The following KIF1A variants were observed in gnomAD, a reference collection of about 807,000 sequenced individuals.
The protein encoded by KIF1A is kinesin-like protein KIF1A.
Under a neutral mutation model 227.3 loss-of-function variants are expected in KIF1A, and 46 were observed. The ratio of observed to expected loss-of-function variants is 0.20; its 90% CI spans 0.16 to 0.26. The LOEUF (loss-of-function observed/expected upper bound fraction) is 0.26, where lower values mean the gene tolerates loss of function less well. Ranked by LOEUF, KIF1A falls within the 10% of genes least tolerant of loss-of-function variation. The pLI is 1.00. For synonymous variants in KIF1A, 1,022 were observed against 1,012.8 expected (o/e 1.01, Z -0.17); for missense variants, 1,683 against 2,485.9 (o/e 0.68, Z 6.87).
chr2:240,741,793 C>A (rs1332309531), intron 34 of KIF1A, among the ~76,000 whole-genome samples: 1 of 152,228 alleles, frequency 6.6e-6, no homozygotes, highest in Non-Finnish European at 1.5e-5. Flanking sequence ...GCCTACTACA[C>A]CTGTCCAAGC....
At chr2:240,798,567 G>A (rs34523140) in intron 1 of KIF1A, among the ~76,000 whole-genome samples, 50,495 of 151,998 alleles carry the variant, frequency 0.33, 8,511 homozygotes, top group East Asian at 0.41. Context: ...CCAGTTTACC[G>A]TCTGTGAAAT....
chr2:240,799,286 C>G (rs2056734325), intron 1 of KIF1A, among the ~76,000 whole-genome samples: 1 of 152,214 alleles, frequency 6.6e-6, no homozygotes, highest in African/African-American at 2.4e-5. Flanking sequence ...AGCCTGGGAC[C>G]AGGGCAGACG....
intron 17 of KIF1A, 100 bp from the exon 18 acceptor site, chr2:240,767,445 A>G (rs900279541): frequency 3.3e-5 from 32 of 976,506 alleles, no homozygotes; most frequent in Non-Finnish European, 4.8e-5. Context: ...GACTACCACC[A>G]GGGTCCCTGC....
intron 25 of KIF1A, among the ~76,000 whole-genome samples, chr2:240,759,269 G>C (rs2050226222): frequency 6.6e-6 from 1 of 151,926 alleles, no homozygotes; most frequent in South Asian, 2.1e-4. Flanking sequence ...AGGCTGGGGA[G>C]GGCTGCCCAG....
chr2:240,778,511 TACACACAC>T lies in KIF1A; in HGVS notation c.883-2593_883-2586del, dbSNP rs60462300. 2.1e-4 allele frequency among the ~76,000 whole-genome samples: 28 copies of T among 134,122 alleles called. No homozygotes were observed. The highest frequency in any genetic ancestry group is 7.4e-4 in the South Asian group (3 of 4,062). The allele number at this position is 134,122 out of a possible 152,430, so 88.0% of individuals were successfully genotyped here. On this transcript the variant is annotated intron_variant, in intron 10 of 48. Transcript: ENST00000498729. This position sits in a 1 kb window ranked among gnomAD's most constrained non-coding sequence, Gnocchi z 7.2. ...GGCGCTCGCAGCTCCCGCACAGCGT[TACACACAC>T]ACACACACACACACACACACACACA...
intron 40 of KIF1A, chr2:240,724,943 G>GGGGGGGA (rs2045832641): frequency 5.4e-6 from 1 of 186,592 alleles, no homozygotes; most frequent in Non-Finnish European, 1.1e-5. Flanking sequence ...GCGGGGGGGG[G>GGGGGGGA]GGGGGGGGAA....
chr2:240,724,612 AC>A (rs1270082212), intron 40 of KIF1A: 1 of 162,100 alleles, frequency 6.2e-6, no homozygotes, highest in Non-Finnish European at 1.3e-5. Context: ...CCACAGGGAG[AC>A]CCACTGAAGG....
chr2:240,720,960 T>C lies in KIF1A; in HGVS notation c.4822A>G (p.Thr1608Ala). The change falls in exon 45 of 49, where the codon ACT becomes GCT. Residue 1608 changes from threonine to alanine, a missense_variant. By Grantham distance (58) the Thr-to-Ala change is moderately conservative (BLOSUM62 0). Transcript: ENST00000498729. ...CGCCCTTCAACCAGAGAGGGGCAAGTGGAGGAGGGGGTGAGAGTGGCCACC... is the reference window on the plus strand; with the variant it reads ...CGCCCTTCAACCAGAGAGGGGCAAGCGGAGGAGGGGGTGAGAGTGGCCACC... ...LGVATLTPSS[T>A]CPSLVEGRYG... is the part of the protein sequence containing the mutation. 6.2e-7 allele frequency: 1 copy of C among 1,601,214 alleles called. No individual in the cohort carries two copies.
chr2:240,746,725 C>T (rs1293086710), intron 29 of KIF1A, among the ~76,000 whole-genome samples: 1 of 152,208 alleles, frequency 6.6e-6, no homozygotes, highest in Non-Finnish European at 1.5e-5. Flanking sequence ...GGACCTTCCT[C>T]CACCACTCTC....
At chr2:240,803,335 A>C (rs1485442066) in intron 1 of KIF1A, among the ~76,000 whole-genome samples, 1 of 152,254 alleles carries the variant, frequency 6.6e-6, no homozygotes, top group Non-Finnish European at 1.5e-5. Flanking sequence ...AGGTTGGTTC[A>C]GACCCCAGTG....
intron 1 of KIF1A, among the ~76,000 whole-genome samples, chr2:240,803,488 T>C (rs773076050): frequency 5.9e-5 from 9 of 152,254 alleles, no homozygotes; most frequent in Non-Finnish European, 1.3e-4. Context: ...AGAACGTGGC[T>C]GCTGAGCGTT....
chr2:240,768,027 A>T (rs2051427590), intron 17 of KIF1A, among the ~76,000 whole-genome samples: 1 of 152,218 alleles, frequency 6.6e-6, no homozygotes, highest in Admixed American at 6.5e-5. Context: ...TCCAGCCAGG[A>T]GGGGCTGTGC....
chr2:240,746,305 C>T (rs767202931), intron 29 of KIF1A, 128 bp from the exon 30 acceptor site: 60 of 1,099,258 alleles, frequency 5.5e-5, no homozygotes, highest in East Asian at 1.6e-4. Context: ...CATGAACCCA[C>T]GCACCAGACC....
At chr2:240,750,635 A>G (rs1012416980) in intron 27 of KIF1A, 88 bp from the exon 28 acceptor site, 1 of 958,584 alleles carries the variant, frequency 1.0e-6, no homozygotes, top group African/African-American at 1.6e-5. Flanking sequence ...GGCTCACGAC[A>G]CAACATGGAG....
At position 240,757,488 on chromosome 2, in the gene KIF1A, C is replaced by T. The variant is rs1431444981; in HGVS notation, c.2689G>A (p.Ala897Thr). The change falls in exon 27 of 49, where the codon GCC (alanine) becomes ACC (threonine). Residue 897 changes from alanine to threonine, a missense_variant. Transcript: ENST00000498729. The surrounding 1 kb of genome is among the most constrained non-coding windows in gnomAD (Gnocchi z 6.2). ...CTCTGCTCCTCGGCAGGCTCGGTGG[C>T]GTCGGAGTCGGGGCTCGAGAAGGTG... is the stretch of plus-strand genomic sequence containing the variant. ...SPTFSSPDSDATEPAEEQSVG... is the reference protein window; with the variant it reads ...SPTFSSPDSDTTEPAEEQSVG... 3.9e-6 allele frequency: 6 copies of T among 1,550,432 alleles called. No individual in the cohort carries two copies. Among genetic ancestry groups the T allele is most frequent in the Middle Eastern group, 1.7e-4 (1 of 5,992 alleles).
At chr2:240,722,735 T>C in intron 42 of KIF1A, 79 bp from the exon 43 acceptor site, 5 of 1,216,702 alleles carry the variant, frequency 4.1e-6, no homozygotes, top group Non-Finnish European at 5.6e-6. Flanking sequence ...AGCAGCAGCA[T>C]GACCCTCTGG....
rs1263626453 is a variant in KIF1A, at chr2:240,726,754, C to T, written c.4122+72G>A. 2 of 891,534 alleles carry T rather than the reference C, an allele frequency of 2.2e-6. No homozygotes were observed. Among genetic ancestry groups the T allele is most frequent in the Non-Finnish European group, 3.7e-6 (2 of 547,062 alleles). The allele number at this position is 891,534 out of a possible 1,614,324, so 55.2% of individuals were successfully genotyped here. ...GTCGTCTGGGTCATATGGGGTTGTCCAGAGCTTACAAGAACCTCAAGCTTC... is the reference window on the plus strand; with the variant it reads ...GTCGTCTGGGTCATATGGGGTTGTCTAGAGCTTACAAGAACCTCAAGCTTC... On this transcript the variant is annotated intron_variant, in intron 39 of 48. Transcript: ENST00000498729. The surrounding 1 kb of genome is among the most constrained non-coding windows in gnomAD (Gnocchi z 5.2).
intron 2 of KIF1A, among the ~76,000 whole-genome samples, chr2:240,796,727 G>A (rs910579089): frequency 6.6e-6 from 1 of 152,128 alleles, no homozygotes; most frequent in African/African-American, 2.4e-5. Flanking sequence ...ACGGGCTTCT[G>A]GAAGGATCAT....
In KIF1A at chr2:240,718,119, T is replaced by C; in HGVS notation, c.5264A>G (p.Gln1755Arg). 6.2e-7 allele frequency: 1 copy of C among 1,611,156 alleles called. No individual in the cohort carries two copies. The highest frequency in any genetic ancestry group is 8.5e-7 in the Non-Finnish European group (1 of 1,179,216). ...ATGCATGTCCTTGTCGCTGGCGGCC[T>C]GCAGCAGGATGCCGCGGTGTTCCGT... ...VCTEHRGILLQAASDKDMHDW... is the reference protein window; with the variant it reads ...VCTEHRGILLRAASDKDMHDW... Residue 1755 changes from glutamine (Q) to arginine (R), a missense_variant, in exon 48 of 49, where the codon CAG becomes CGG. Physicochemically the swap from Gln to Arg is conservative, Grantham distance 43. Transcript: ENST00000498729.
Sources: gnomAD v4.1 joint callset for allele counts (sites outside exome capture counted in the v4.1 genomes callset) on GRCh38, gnomAD v4.1.1 for gene constraint, Gnocchi (gnomAD v3.1) non-coding constraint, MANE v1.5 for transcripts, NCBI Gene and HGNC (gene_info 2026-07-23, HGNC 2026-07-21) for gene names.